Variants in RBM19 observed in about 807,000 individuals in gnomAD.
RBM19 encodes RNA binding motif protein 19, also known as probable RNA-binding protein 19.
RBM19 carries 94 observed loss-of-function variants against 116.8 expected under a neutral mutation model. The ratio of observed to expected loss-of-function variants is 0.80; its 90% CI spans 0.68 to 0.95. The LOEUF is 0.95. Ranked by LOEUF, RBM19 falls within the 40% of genes least tolerant of loss-of-function variation. RBM19 has a pLI of 0.00. For synonymous variants in RBM19, 475 were observed against 494.1 expected (o/e 0.96, Z 0.51); for missense variants, 1,161 against 1,220.7 (o/e 0.95, Z 0.73).
At chr12:113,832,718 C>A (rs895883198) in intron 23 of RBM19, among the ~76,000 whole-genome samples, 1 of 152,182 alleles carries the variant, frequency 6.6e-6, no homozygotes, top group Non-Finnish European at 1.5e-5. Flanking sequence ...GGGAAGCTTA[C>A]AGAAAACCTC....
chr12:113,963,674 G>T (rs962046605), intron 1 of RBM19, among the ~76,000 whole-genome samples: 8 of 152,196 alleles, frequency 5.3e-5, no homozygotes, highest in Non-Finnish European at 7.3e-5. Context: ...ATTCCTCAGT[G>T]CCTGGGAGAG....
intron 21 of RBM19, among the ~76,000 whole-genome samples, chr12:113,867,288 G>A (rs1040488274): frequency 7.9e-5 from 12 of 152,134 alleles, no homozygotes; most frequent in Non-Finnish European, 1.3e-4. Context: ...CTCCAGCACC[G>A]AAATCACAAT....
intron 21 of RBM19, among the ~76,000 whole-genome samples, chr12:113,862,408 G>A (rs1320496976): frequency 6.6e-6 from 1 of 151,952 alleles, no homozygotes; most frequent in Non-Finnish European, 1.5e-5. Flanking sequence ...ATCATATAAG[G>A]CCAATACTAA....
chr12:113,947,189 G>C (rs1203237641), intron 11 of RBM19, 145 bp downstream of exon 11: 6 of 1,062,400 alleles, frequency 5.6e-6, no homozygotes, highest in African/African-American at 1.6e-5. Context: ...GCTTGAGTGA[G>C]GCAGTGACTT....
At chr12:113,908,906 T>G (rs532892842) in intron 21 of RBM19, among the ~76,000 whole-genome samples, 1 of 152,326 alleles carries the variant, frequency 6.6e-6, no homozygotes, top group East Asian at 1.9e-4. Flanking sequence ...CAGGCACCTG[T>G]GGACATGACA....
chr12:113,817,038 T>A (rs1454473854), exon 25 of RBM19: 1 of 152,268 alleles, frequency 6.6e-6, no homozygotes, highest in African/African-American at 2.4e-5. Flanking sequence ...AGCTCGGCTC[T>A]GTTCACCAAA....
At chr12:113,856,139 G>A (rs1353347608) in intron 22 of RBM19, among the ~76,000 whole-genome samples, 1 of 152,216 alleles carries the variant, frequency 6.6e-6, no homozygotes, top group Non-Finnish European at 1.5e-5. Context: ...CGGAGAGGCT[G>A]TGAGTTGAGC....
chr12:113,816,836 C>T (rs927240563), exon 25 of RBM19: 4 of 152,110 alleles, frequency 2.6e-5, no homozygotes, highest in East Asian at 1.9e-4. Context: ...AGCTCTAACC[C>T]GAGAGGCCGC....
In RBM19 at chr12:113,962,250, G is replaced by T; in HGVS notation, c.201C>A (p.Ile67=). ...KAQKHFNKSF[I]DTSRITVEFC... ...CACTCACTGTGATCCGGGATGTGTC[G>T]ATGAAGCTCTTGTTGAAATGCTTCT... The change falls in exon 2 of 24, where the codon ATC becomes ATA. Residue 67 remains isoleucine (I), a synonymous_variant. Coordinates refer to ENST00000261741, the MANE Select transcript of RBM19 (RefSeq NM_016196.4). 1 of 1,614,238 alleles carries T rather than the reference G, an allele frequency of 6.2e-7. No homozygotes were observed. Among genetic ancestry groups the T allele is most frequent in the Non-Finnish European group, 8.5e-7 (1 of 1,180,044 alleles).
At position 113,948,965 on chromosome 12, in the gene RBM19, T is replaced by G. The variant is rs201195078; in HGVS notation, c.1144A>C (p.Lys382Gln). The change falls in exon 10 of 24, where the codon AAA becomes CAA. Residue 382 changes from lysine to glutamine, a missense_variant. Transcript: ENST00000261741. ...TTKGAPKNTTKSWQGRILGEN... is the reference protein window; with the variant it reads ...TTKGAPKNTTQSWQGRILGEN... ...CCGAGTATCCGGCCTTGCCAGGATT[T>G]GGTGGTATTCTTTGGTGCACCCTTG... 6.2e-7 allele frequency: 1 copy of G among 1,614,214 alleles called. No homozygotes were observed. Among genetic ancestry groups the G allele is most frequent in the African/African-American group, 1.3e-5 (1 of 75,062 alleles).
At position 113,904,517 on chromosome 12, in the gene RBM19, C is replaced by T. The variant is rs114319137; in HGVS notation, c.2558+10452G>A. On this transcript the variant is annotated intron_variant, in intron 21 of 23. Transcript: ENST00000261741. ...CCTGAGCACAAAAGCACTTCAGGCC[C>T]CGGCAGGCCCTTGGGTAAGGTGCTG... 2.5e-3 allele frequency among the ~76,000 whole-genome samples: 380 copies of T among 152,266 alleles called. 3 individuals carry two copies. The highest frequency in any genetic ancestry group is 8.5e-3 in the African/African-American group (354 of 41,544).
chr12:113,881,007 T>C (rs1364310826), intron 21 of RBM19, among the ~76,000 whole-genome samples: 2 of 152,210 alleles, frequency 1.3e-5, no homozygotes, highest in Non-Finnish European at 2.9e-5. Flanking sequence ...TTTTGGGCTG[T>C]GAACATCAGT....
At position 113,920,828 on chromosome 12, in the gene RBM19, A is replaced by C. The variant is rs116963633; in HGVS notation, c.2306-138T>G. On this transcript the variant is annotated intron_variant, in intron 18 of 23. Coordinates refer to ENST00000261741, the MANE Select transcript of RBM19 (RefSeq NM_016196.4). ...CCCCTTCATTCCCCCCAAAAATCTCAGCACCTGGCTTGCTGTTTATCATTA... is the reference window on the plus strand; with the variant it reads ...CCCCTTCATTCCCCCCAAAAATCTCCGCACCTGGCTTGCTGTTTATCATTA... The C allele has an allele frequency of 2.7e-4, 206 of 765,522 alleles. 1 individual carries two copies. In the East Asian group the frequency reaches 4.9e-3, roughly 18 times the overall value. The allele number at this position is 765,522 out of a possible 1,614,324, so 47.4% of individuals were successfully genotyped here.
chr12:113,939,220 T>A (rs140294680), intron 15 of RBM19, among the ~76,000 whole-genome samples: 2,035 of 150,572 alleles, frequency 0.014, 14 homozygotes, highest in South Asian at 0.023. Context: ...GTGGGAGGAT[T>A]GCTTGAGCCC....
chr12:113,955,082 G>T (rs574284360), intron 7 of RBM19, 49 bp downstream of exon 7: 1 of 1,584,966 alleles, frequency 6.3e-7, no homozygotes, highest in Non-Finnish European at 8.7e-7. Context: ...CCCCACCCTC[G>T]TCTCCTGCTC....
At chr12:113,887,592 A>C (rs1880617937) in intron 21 of RBM19, among the ~76,000 whole-genome samples, 1 of 122,818 alleles carries the variant, frequency 8.1e-6, no homozygotes. Flanking sequence ...CCGAGATCGC[A>C]CCACTGCACT....
chr12:113,944,555 TG>T (rs1267850588), intron 13 of RBM19, among the ~76,000 whole-genome samples: 2 of 152,092 alleles, frequency 1.3e-5, no homozygotes, highest in Non-Finnish European at 2.9e-5. Context: ...CCCAACACTT[TG>T]GGAGGCCAAG....
chr12:113,873,818 T>A (rs1220183819), intron 21 of RBM19, among the ~76,000 whole-genome samples: 6 of 152,140 alleles, frequency 3.9e-5, no homozygotes, highest in African/African-American at 1.4e-4. Context: ...AAACCCCTCA[T>A]TGTTCAGTGA....
intron 21 of RBM19, among the ~76,000 whole-genome samples, chr12:113,896,290 A>G (rs1474952554): frequency 6.6e-6 from 1 of 152,228 alleles, no homozygotes; most frequent in African/African-American, 2.4e-5. Flanking sequence ...CGCTTGCCCC[A>G]GAGCAGGGAA....
Sources: gnomAD v4.1 joint callset for allele counts (sites outside exome capture counted in the v4.1 genomes callset) on GRCh38, gnomAD v4.1.1 for gene constraint, MANE v1.5 for transcripts, NCBI Gene and HGNC (gene_info 2026-07-23, HGNC 2026-07-21) for gene names.